DPP6: variants seen among roughly 807,000 people sequenced by gnomAD.
DPP6 encodes the protein dipeptidyl peptidase like 6.
DPP6 carries 69 observed loss-of-function variants against 122.6 expected under a neutral mutation model. The observed-to-expected ratio is 0.56, with a 90% confidence interval of 0.46 to 0.69. The LOEUF (loss-of-function observed/expected upper bound fraction) is 0.69. Ranked by LOEUF, DPP6 falls within the 30% of genes least tolerant of loss-of-function variation. DPP6 has a pLI of 0.00. For synonymous variants in DPP6, 418 were observed against 433.1 expected, an observed-to-expected ratio of 0.97 and a Z score of 0.43; for missense variants, 928 against 1,116.9, an observed-to-expected ratio of 0.83 and a Z score of 2.41.
intron 5 of DPP6, among the ~76,000 whole-genome samples, chr7:154,625,139 A>G (rs566843841): frequency 6.6e-6 from 1 of 152,296 alleles, no homozygotes; most frequent in South Asian, 2.1e-4. Context: ...AATCTGACAG[A>G]CTCCTCAGTC....
chr7:153,980,153 G>A (rs1176114035), intron 1 of DPP6, among the ~76,000 whole-genome samples: 1 of 152,134 alleles, frequency 6.6e-6, no homozygotes, highest in Non-Finnish European at 1.5e-5. Flanking sequence ...GGTAGAATTT[G>A]GCTGTGAATC....
chr7:154,754,306 CTT>C (rs1039294347), intron 8 of DPP6, among the ~76,000 whole-genome samples: 4 of 152,120 alleles, frequency 2.6e-5, no homozygotes, highest in African/African-American at 7.2e-5. Flanking sequence ...AAGGCTATAA[CTT>C]TGTTTTGTGG....
chr7:154,557,899 C>T (rs540408996), intron 4 of DPP6, among the ~76,000 whole-genome samples: 4 of 152,238 alleles, frequency 2.6e-5, no homozygotes, highest in African/African-American at 9.6e-5. Flanking sequence ...CTAGAGAATA[C>T]TCACAAAATC....
chr7:153,958,302 C>CA (rs1795162131), intron 1 of DPP6, among the ~76,000 whole-genome samples: 1 of 152,162 alleles, frequency 6.6e-6, no homozygotes, highest in Non-Finnish European at 1.5e-5. Flanking sequence ...TGGGCTTTGT[C>CA]ATCTTCACAG....
chr7:153,981,639 G>A (rs559539737), intron 1 of DPP6, among the ~76,000 whole-genome samples: 3 of 152,232 alleles, frequency 2.0e-5, no homozygotes, highest in South Asian at 4.2e-4. Context: ...TCATAGTGTC[G>A]ATGGTCTTTA....
chr7:154,430,269 T>C (rs1324486482), intron 1 of DPP6, among the ~76,000 whole-genome samples: 4 of 152,326 alleles, frequency 2.6e-5, no homozygotes, highest in Admixed American at 2.0e-4. Flanking sequence ...GCCTTGCTGC[T>C]ATAGAGATAC....
intron 1 of DPP6, among the ~76,000 whole-genome samples, chr7:154,060,910 G>C (rs1801753617): frequency 6.8e-6 from 1 of 146,836 alleles, no homozygotes; most frequent in African/African-American, 2.5e-5. Context: ...CGGGGACTGA[G>C]AGCCAGACCC....
chr7:154,574,242 GTGTA>G (rs1831309138), intron 5 of DPP6, among the ~76,000 whole-genome samples: 1 of 149,888 alleles, frequency 6.7e-6, no homozygotes. Flanking sequence ...GTGGTGTGGT[GTGTA>G]TGTGTGGTGT....
chr7:154,034,531 T>TTG (rs1462047656), intron 1 of DPP6, among the ~76,000 whole-genome samples: 4 of 152,094 alleles, frequency 2.6e-5, no homozygotes, highest in African/African-American at 9.7e-5. Flanking sequence ...TTTCCTTCCT[T>TTG]TGTGTGTGTG....
chr7:154,834,707 C>G (rs144941072), intron 16 of DPP6, among the ~76,000 whole-genome samples: 1 of 152,180 alleles, frequency 6.6e-6, no homozygotes, highest in African/African-American at 2.4e-5. Context: ...CTGCCTCTTC[C>G]GCTGCTGTGG....
chr7:154,709,476 T>C (rs1563127594), intron 7 of DPP6, among the ~76,000 whole-genome samples: 1 of 152,098 alleles, frequency 6.6e-6, no homozygotes, highest in Non-Finnish European at 1.5e-5. Flanking sequence ...CACCTTGGCC[T>C]CCCAAAGTGC....
At chr7:154,006,295 T>C (rs919584304) in intron 1 of DPP6, among the ~76,000 whole-genome samples, 2 of 151,924 alleles carry the variant, frequency 1.3e-5, no homozygotes, top group Non-Finnish European at 2.9e-5. Flanking sequence ...GGTTCAAGGT[T>C]TTTATTATGT....
chr7:153,888,643 C>A (rs1362924054), intron 1 of DPP6, among the ~76,000 whole-genome samples: 2 of 151,358 alleles, frequency 1.3e-5, no homozygotes, highest in African/African-American at 4.9e-5. Flanking sequence ...TATTTTAACC[C>A]ATTAGGTCAT....
intron 17 of DPP6, among the ~76,000 whole-genome samples, chr7:154,864,741 G>A (rs1803704603): frequency 6.6e-6 from 1 of 152,184 alleles, no homozygotes; most frequent in Non-Finnish European, 1.5e-5. Context: ...TGTTGCTTTG[G>A]TGCTTTCCTG....
intron 16 of DPP6, among the ~76,000 whole-genome samples, chr7:154,839,731 C>T (rs919940134): frequency 1.3e-5 from 2 of 152,140 alleles, no homozygotes; most frequent in Admixed American, 6.5e-5. Context: ...GAGGGAAGAG[C>T]GGGTGCTCAG....
chr7:154,399,563 C>A (rs757536649), intron 1 of DPP6, among the ~76,000 whole-genome samples: 1 of 152,186 alleles, frequency 6.6e-6, no homozygotes, highest in South Asian at 2.1e-4. Flanking sequence ...TTCTTTACAT[C>A]TTTCTTGTAG....
the DPP6 span, among the ~76,000 whole-genome samples, chr7:153,788,841 T>C: frequency 6.6e-6 from 1 of 152,134 alleles, no homozygotes; most frequent in East Asian, 1.9e-4. Context: ...GGTAGATGCC[T>C]GTAATTCCAG....
the DPP6 span, among the ~76,000 whole-genome samples, chr7:153,795,970 A>C: frequency 6.6e-6 from 1 of 151,064 alleles, no homozygotes; most frequent in African/African-American, 2.4e-5. Flanking sequence ...CATTACAGTC[A>C]TATCACATAC....
At chr7:153,862,215 G>T in the DPP6 span, among the ~76,000 whole-genome samples, 4 of 152,136 alleles carry the variant, frequency 2.6e-5, no homozygotes, top group Non-Finnish European at 2.9e-5. Flanking sequence ...CTGGAAAAGA[G>T]GAAATGAGAT....
Sources: gnomAD v4.1 joint callset for allele counts (sites outside exome capture counted in the v4.1 genomes callset) on GRCh38, gnomAD v4.1.1 for gene constraint, MANE v1.5 for transcripts, NCBI Gene and HGNC (gene_info 2026-07-23, HGNC 2026-07-21) for gene names.